ATP8B2: variants seen among roughly 807,000 people sequenced by gnomAD.
ATP8B2 encodes phospholipid-transporting ATPase ID.
A neutral mutation model predicts 133.4 loss-of-function variants in ATP8B2; 70 were observed. The ratio of observed to expected loss-of-function variants is 0.52; its 90% CI spans 0.43 to 0.64. The LOEUF is 0.64. ATP8B2 is among the 30% of genes least tolerant of loss of function. ATP8B2 has a pLI of 0.00. For missense variants in ATP8B2, 1,101 were observed against 1,535.7 expected (o/e 0.72, Z 4.73); for synonymous variants, 517 against 589.5 (o/e 0.88, Z 1.78).
chr1:154,337,408 C>T lies in ATP8B2; in HGVS notation c.898C>T (p.His300Tyr), dbSNP rs1167644459. The T allele has an allele frequency of 6.2e-7, 1 of 1,614,152 alleles. No individual in the cohort carries two copies. Among genetic ancestry groups the T allele is most frequent in the South Asian group, 1.1e-5 (1 of 91,078 alleles). ...ILAIGNAIWEHEVGMRFQVYL... is the reference protein window; with the variant it reads ...ILAIGNAIWEYEVGMRFQVYL... ...GGCCATTGGCAATGCCATCTGGGAGCACGAGGTGGGGATGCGTTTCCAGGT... is the reference window on the plus strand; with the variant it reads ...GGCCATTGGCAATGCCATCTGGGAGTACGAGGTGGGGATGCGTTTCCAGGT... Residue 300 changes from histidine to tyrosine, a missense_variant, in exon 12 of 28, where the codon CAC becomes TAC. His to Tyr is a moderately conservative substitution (Grantham distance 83). Coordinates refer to ENST00000368489, the MANE Select transcript of ATP8B2 (RefSeq NM_001370597.1).
chr1:154,343,684 G>C lies in ATP8B2; in HGVS notation c.1758+116G>C, dbSNP rs1322543184. 1 of 1,065,796 alleles carries C rather than the reference G, an allele frequency of 9.4e-7. No individual in the cohort carries two copies. Among genetic ancestry groups the C allele is most frequent in the East Asian group, 2.6e-5 (1 of 39,166 alleles). 66.0% of individuals were successfully genotyped at this position (1,065,796 alleles called of 1,614,324 possible). A position where few individuals can be genotyped will look rare whatever the true frequency, so the allele number is the denominator to read the frequency against. Reference sequence around the variant, plus strand: ...GGTCTACAACGTGATGTTTTGATGTGTATATATAGTGAAGTGATTACTACA... The same window carrying C: ...GGTCTACAACGTGATGTTTTGATGTCTATATATAGTGAAGTGATTACTACA... On this transcript the variant is annotated intron_variant, in intron 17 of 27. Transcript: ENST00000368489. This position sits in a 1 kb window ranked among gnomAD's most constrained non-coding sequence, Gnocchi z 5.8.
rs767022431 is a variant in ATP8B2 at position 154,344,621 on chromosome 1, T to A, written c.2142-20T>A. The A allele has an allele frequency of 1.2e-6, 2 of 1,606,954 alleles. No individual in the cohort carries two copies. The highest frequency in any genetic ancestry group is 2.2e-5 in the South Asian group (2 of 90,974). Reference sequence around the variant, plus strand: ...CTGCCGTTCTGGAAGACCACAACCGTATCATTTCCACCTCGACAGGAAAGC... The same window carrying A: ...CTGCCGTTCTGGAAGACCACAACCGAATCATTTCCACCTCGACAGGAAAGC... On this transcript the variant is annotated intron_variant, in intron 20 of 27. Coordinates refer to ENST00000368489, the MANE Select transcript of ATP8B2 (RefSeq NM_001370597.1). This position sits in a 1 kb window ranked among gnomAD's most constrained non-coding sequence, Gnocchi z 4.1.
rs1686707856 is a variant in ATP8B2, at chr1:154,349,272, C to CA, written c.*155dup. ...CTGGTCCCACCACACATGGCTGGGA[C>CA]ATCTGTTCCCAGCTGTAGGCCCTTC... On this transcript the variant is annotated 3_prime_UTR_variant, in exon 28 of 28. Coordinates refer to ENST00000368489, the MANE Select transcript of ATP8B2 (RefSeq NM_001370597.1). The CA allele has an allele frequency of 9.7e-7, 1 of 1,031,106 alleles. No homozygotes were observed. The highest frequency in any genetic ancestry group is 1.6e-5 in the African/African-American group (1 of 61,984). The allele number at this position is 1,031,106 out of a possible 1,614,324, so 63.9% of individuals were successfully genotyped here. A position where few individuals can be genotyped will look rare whatever the true frequency, so the allele number is the denominator to read the frequency against.
In ATP8B2 at chr1:154,345,247, G is replaced by T; in HGVS notation, c.2471-75G>T. On this transcript the variant is annotated intron_variant, in intron 22 of 27. Transcript: ENST00000368489. The surrounding 1 kb of genome is among the most constrained non-coding windows in gnomAD (Gnocchi z 5.6). ...GACTGCAGAAGAATGACGGGAAGGG[G>T]GTTGTAACTTGGTAGGCTCTAAAGT... 1 of 1,602,960 alleles carries T rather than the reference G, an allele frequency of 6.2e-7. No individual in the cohort carries two copies. Among genetic ancestry groups the T allele is most frequent in the Non-Finnish European group, 8.5e-7 (1 of 1,172,518 alleles).
chr1:154,328,249 A>G lies in ATP8B2; in HGVS notation c.31+77A>G. On this transcript the variant is annotated intron_variant, in intron 2 of 27. Coordinates refer to ENST00000368489, the MANE Select transcript of ATP8B2 (RefSeq NM_001370597.1). The surrounding 1 kb of genome is among the most constrained non-coding windows in gnomAD (Gnocchi z 4.6). ...TTATGGCTCAGGGAGCAAAAGGAAAAGGGACAACTGGTATGGGTCTGAGGG... is the reference window on the plus strand; with the variant it reads ...TTATGGCTCAGGGAGCAAAAGGAAAGGGGACAACTGGTATGGGTCTGAGGG... The G allele has an allele frequency of 6.9e-7, 1 of 1,451,804 alleles. No individual in the cohort carries two copies. Among genetic ancestry groups the G allele is most frequent in the Non-Finnish European group, 9.7e-7 (1 of 1,034,204 alleles). 89.9% of individuals were successfully genotyped at this position (1,451,804 alleles called of 1,614,324 possible).
rs893351688 is a variant in ATP8B2 at position 154,346,886 on chromosome 1, T to TTTAC, written c.3163+131_3163+132insCTTA. ...GTATTCTGTTTATTTTATTTATTTA[T>TTTAC]TTATTTATTTTCGAGAAGGAGTCTT... On this transcript the variant is annotated intron_variant, in intron 26 of 27. Coordinates refer to ENST00000368489, the MANE Select transcript of ATP8B2 (RefSeq NM_001370597.1). This position sits in a 1 kb window ranked among gnomAD's most constrained non-coding sequence, Gnocchi z 4.5. 1.7e-6 allele frequency: 2 copies of TTTAC among 1,150,608 alleles called. No individual in the cohort carries two copies. Among genetic ancestry groups the TTTAC allele is most frequent in the African/African-American group, 3.2e-5 (2 of 63,150 alleles). 71.3% of individuals were successfully genotyped at this position (1,150,608 alleles called of 1,614,324 possible).
intron 27 of ATP8B2, 40 bp downstream of exon 27, chr1:154,348,578 G>T (rs774123927): frequency 6.2e-7 from 1 of 1,606,382 alleles, no homozygotes; most frequent in South Asian, 1.1e-5. Flanking sequence ...GCAGAGATGG[G>T]GTGGCTGGAA....
intron 1 of ATP8B2, 177 bp from the exon 2 acceptor site, chr1:154,327,928 G>A (rs1218585171): frequency 2.1e-5 from 33 of 1,565,078 alleles, no homozygotes; most frequent in Admixed American, 6.7e-5. Flanking sequence ...GGAGGTGGTG[G>A]GGAAGTCCCC....
Position 154,350,496 on chromosome 1 carries a change from C to G in ATP8B2, c.*1378C>G, listed in dbSNP as rs1414064320. 6.6e-6 allele frequency: 1 copy of G among 152,284 alleles called. No individual in the cohort carries two copies. Among genetic ancestry groups the G allele is most frequent in the Admixed American group, 6.5e-5 (1 of 15,280 alleles). 9.4% of individuals were successfully genotyped at this position (152,284 alleles called of 1,614,324 possible). A position where few individuals can be genotyped will look rare whatever the true frequency, so the allele number is the denominator to read the frequency against. On this transcript the variant is annotated 3_prime_UTR_variant, in exon 28 of 28. Coordinates refer to ENST00000368489, the MANE Select transcript of ATP8B2 (RefSeq NM_001370597.1). ...TACACCCCAGGGCCCTGTGGTGGGG[C>G]TGCAGGGGGAAGCTGTGCACCTGAG...
intron 12 of ATP8B2, among the ~76,000 whole-genome samples, chr1:154,338,340 G>A (rs982027323): frequency 1.4e-5 from 2 of 143,132 alleles, no homozygotes; most frequent in African/African-American, 4.9e-5. Context: ...ATATTTGCCT[G>A]TGGACTTTGT....
In ATP8B2 at chr1:154,340,805, C is replaced by A; in HGVS notation, c.1035-49C>A. The A allele has an allele frequency of 6.3e-7, 1 of 1,575,030 alleles. No homozygotes were observed. The highest frequency in any genetic ancestry group is 8.7e-7 in the Non-Finnish European group (1 of 1,146,370). Reference sequence around the variant, plus strand: ...GCAGCGAAGGCCCATGTGGGTGGGGCACCTCCTCTTCTTCCCGACCCAAGC... The same window carrying A: ...GCAGCGAAGGCCCATGTGGGTGGGGAACCTCCTCTTCTTCCCGACCCAAGC... On this transcript the variant is annotated intron_variant, in intron 12 of 27. Transcript: ENST00000368489. This position sits in a 1 kb window ranked among gnomAD's most constrained non-coding sequence, Gnocchi z 4.0.
In ATP8B2 at chr1:154,331,575, C is replaced by T; in HGVS notation, c.366-31C>T. 2 of 1,613,866 alleles carry T rather than the reference C, an allele frequency of 1.2e-6. No individual in the cohort carries two copies. The highest frequency in any genetic ancestry group is 1.1e-5 in the South Asian group (1 of 91,080). On this transcript the variant is annotated intron_variant, in intron 6 of 27. Transcript: ENST00000368489. The surrounding 1 kb of genome is among the most constrained non-coding windows in gnomAD (Gnocchi z 4.8). ...CCTTAGGAACCTCTTTAGCTCCTGA[C>T]AGCCTCTTCACTGTCTTCTCGTTGC...
rs1036004282 is a variant in ATP8B2 at position 154,346,087 on chromosome 1, G to C, written c.2779-144G>C. On this transcript the variant is annotated intron_variant, in intron 24 of 27. Transcript: ENST00000368489. The surrounding 1 kb of genome is among the most constrained non-coding windows in gnomAD (Gnocchi z 4.5). ...TGGGTTGCTGAACTAAGTTAGTCTG[G>C]GGGTAGCTGGCTTGAGGTTGGTTCT... 7.9e-6 allele frequency: 10 copies of C among 1,258,018 alleles called. No individual in the cohort carries two copies. Among genetic ancestry groups the C allele is most frequent in the Middle Eastern group, 2.8e-4 (1 of 3,556 alleles). The allele number at this position is 1,258,018 out of a possible 1,614,324, so 77.9% of individuals were successfully genotyped here. A position where few individuals can be genotyped will look rare whatever the true frequency, so the allele number is the denominator to read the frequency against.
chr1:154,350,640 G>C lies in ATP8B2; in HGVS notation c.*1522G>C, dbSNP rs1031113352. 9 of 152,452 alleles carry C rather than the reference G, an allele frequency of 5.9e-5. No homozygotes were observed. Among genetic ancestry groups the C allele is most frequent in the Admixed American group, 1.3e-4 (2 of 15,306 alleles). The allele number at this position is 152,452 out of a possible 1,614,324, so 9.4% of individuals were successfully genotyped here. A position where few individuals can be genotyped will look rare whatever the true frequency, so the allele number is the denominator to read the frequency against. On this transcript the variant is annotated 3_prime_UTR_variant, in exon 28 of 28. Coordinates refer to ENST00000368489, the MANE Select transcript of ATP8B2 (RefSeq NM_001370597.1). ...AATCCTTGTGCCGGGTAGTAGAGGA[G>C]GATAAGGGCAAAACCAGGCCCAGGC...
chr1:154,346,590 C>T lies in ATP8B2; in HGVS notation c.3025-30C>T, dbSNP rs200341321. On this transcript the variant is annotated intron_variant, in intron 25 of 27. Transcript: ENST00000368489. This position sits in a 1 kb window ranked among gnomAD's most constrained non-coding sequence, Gnocchi z 4.5. ...TGGGGGAAGGGGCTTTTAGGGCGTG[C>T]GCCTGCCTGACTATGCCTACTTTCT... 5.0e-4 allele frequency: 799 copies of T among 1,613,550 alleles called. No homozygotes were observed. Among genetic ancestry groups the T allele is most frequent in the Non-Finnish European group, 6.5e-4 (768 of 1,179,740 alleles).
At position 154,344,516 on chromosome 1, in the gene ATP8B2, A is replaced by G. The variant is rs759084035; in HGVS notation, c.2141+16A>G. On this transcript the variant is annotated intron_variant, in intron 20 of 27. Coordinates refer to ENST00000368489, the MANE Select transcript of ATP8B2 (RefSeq NM_001370597.1). The surrounding 1 kb of genome is among the most constrained non-coding windows in gnomAD (Gnocchi z 4.1). Reference sequence around the variant, plus strand: ...AGGAGCTCAGGTAAACAAGAAGCCCAGGGGAGGCGGTGCTGTGCGTTGTGC... The same window carrying G: ...AGGAGCTCAGGTAAACAAGAAGCCCGGGGGAGGCGGTGCTGTGCGTTGTGC... 1.2e-6 allele frequency: 2 copies of G among 1,614,112 alleles called. No individual in the cohort carries two copies. The highest frequency in any genetic ancestry group is 1.7e-5 in the Admixed American group (1 of 60,024).
Position 154,343,351 on chromosome 1 carries a change from T to C in ATP8B2, c.1642+50T>C. 6.2e-7 allele frequency: 1 copy of C among 1,607,812 alleles called. No individual in the cohort carries two copies. The highest frequency in any genetic ancestry group is 8.5e-7 in the Non-Finnish European group (1 of 1,175,504). ...GGCGTTTGGGGACAGCATTCAGGCC[T>C]GGAATGGGTGAAGTGTGCCGGGTGA... is the stretch of plus-strand genomic sequence containing the variant. On this transcript the variant is annotated intron_variant, in intron 16 of 27. Transcript: ENST00000368489. This position sits in a 1 kb window ranked among gnomAD's most constrained non-coding sequence, Gnocchi z 5.8.
chr1:154,344,638 C>G lies in ATP8B2; in HGVS notation c.2142-3C>G. On this transcript the variant is annotated splice_region_variant and splice_polypyrimidine_tract_variant and intron_variant, in intron 20 of 27. Transcript: ENST00000368489. The surrounding 1 kb of genome is among the most constrained non-coding windows in gnomAD (Gnocchi z 4.1). ...CACAACCGTATCATTTCCACCTCGA[C>G]AGGAAAGCCCGGGAGAAGATGATGG... 1 of 1,606,824 alleles carries G rather than the reference C, an allele frequency of 6.2e-7. No individual in the cohort carries two copies. Among genetic ancestry groups the G allele is most frequent in the Non-Finnish European group, 8.5e-7 (1 of 1,173,884 alleles).
chr1:154,334,393 C>A lies in ATP8B2; in HGVS notation c.749-110C>A. 1 of 1,497,968 alleles carries A rather than the reference C, an allele frequency of 6.7e-7. No homozygotes were observed. The highest frequency in any genetic ancestry group is 1.4e-5 in the African/African-American group (1 of 72,234). 92.8% of individuals were successfully genotyped at this position (1,497,968 alleles called of 1,614,324 possible). A position where few individuals can be genotyped will look rare whatever the true frequency, so the allele number is the denominator to read the frequency against. On this transcript the variant is annotated intron_variant, in intron 10 of 27. Coordinates refer to ENST00000368489, the MANE Select transcript of ATP8B2 (RefSeq NM_001370597.1). This position sits in a 1 kb window ranked among gnomAD's most constrained non-coding sequence, Gnocchi z 4.6. ...CCAGCTGTGTATACAGGCTTCTTATCTAGCCAGTATCTCTATTCCACCCTG... is the reference window on the plus strand; with the variant it reads ...CCAGCTGTGTATACAGGCTTCTTATATAGCCAGTATCTCTATTCCACCCTG...
Sources: allele counts gnomAD v4.1 joint callset (sites outside exome capture counted in the v4.1 genomes callset), GRCh38; gene constraint gnomAD v4.1.1; non-coding constraint Gnocchi (gnomAD v3.1); transcripts MANE v1.5; gene names NCBI Gene and HGNC (gene_info 2026-07-23, HGNC 2026-07-21).